Variants in ADAMTS7 observed in about 807,000 individuals in gnomAD.
ADAMTS7 encodes the protein A disintegrin and metalloproteinase with thrombospondin motifs 7.
Under a neutral mutation model 172.6 loss-of-function variants are expected in ADAMTS7, and 89 were observed. The observed-to-expected ratio is 0.52, with a 90% CI of 0.43 to 0.61. ADAMTS7 has a LOEUF of 0.61. Ranked by LOEUF, ADAMTS7 falls within the 20% of genes least tolerant of loss-of-function variation. ADAMTS7 has a pLI of 0.00. For synonymous variants in ADAMTS7, 885 were observed against 978.4 expected, an observed-to-expected ratio of 0.90 and a Z score of 1.78; for missense variants, 1,973 against 2,355.6, an observed-to-expected ratio of 0.84 and a Z score of 3.36.
At chr15:78,774,547 C>T (rs546714159) in intron 12 of ADAMTS7, 77 bp downstream of exon 12, 103 of 1,598,992 alleles carry the variant, frequency 6.4e-5, no homozygotes, top group Non-Finnish European at 7.4e-5. Flanking sequence ...GCCTCCTGCT[C>T]GCATCACAGG....
intron 4 of ADAMTS7, among the ~76,000 whole-genome samples, chr15:78,795,714 G>A (rs533904428): frequency 4.6e-5 from 7 of 152,312 alleles, no homozygotes; most frequent in African/African-American, 1.7e-4. Context: ...TTATATGGTG[G>A]CCTGCCAACC....
At chr15:78,794,511 A>G (rs1596196294) in intron 4 of ADAMTS7, among the ~76,000 whole-genome samples, 2 of 152,310 alleles carry the variant, frequency 1.3e-5, no homozygotes, top group East Asian at 3.9e-4. Context: ...ACCAGCTCAG[A>G]AAAGCTTGAT....
intron 17 of ADAMTS7, among the ~76,000 whole-genome samples, 172 bp from the exon 18 acceptor site, chr15:78,767,764 A>G (rs895564235): frequency 1.1e-4 from 17 of 151,966 alleles, no homozygotes; most frequent in Non-Finnish European, 2.5e-4. Context: ...TCCTGCCCTC[A>G]AAGCCTGGTG....
chr15:78,795,252 C>T (rs1179331401), intron 4 of ADAMTS7, among the ~76,000 whole-genome samples: 1 of 152,230 alleles, frequency 6.6e-6, no homozygotes, highest in African/African-American at 2.4e-5. Flanking sequence ...AATAGCCCTG[C>T]TGAACCCTGG....
chr15:78,788,054 C>A (rs1431677142), intron 8 of ADAMTS7, among the ~76,000 whole-genome samples, 177 bp downstream of exon 8: 1 of 152,216 alleles, frequency 6.6e-6, no homozygotes, highest in East Asian at 1.9e-4. Context: ...TTTCCCTCTA[C>A]CCTGGCCCTG....
Position 78,764,032 on chromosome 15 carries a change from C to T in ADAMTS7, c.4487G>A (p.Arg1496Gln), listed in dbSNP as rs756816783. 2.0e-5 allele frequency: 31 copies of T among 1,540,354 alleles called. No homozygotes were observed. Among genetic ancestry groups the T allele is most frequent in the Non-Finnish European group, 2.5e-5 (29 of 1,142,112 alleles). Residue 1496 changes from arginine to glutamine, a missense_variant, in exon 21 of 24, where the codon CGG becomes CAG. Arg to Gln is a conservative substitution (Grantham distance 43). Coordinates refer to ENST00000388820, the MANE Select transcript of ADAMTS7 (RefSeq NM_014272.5). ...CTGACAATGGAAGGGCCGCAGTGGC[C>T]GGAGGTCCCGTGTGTCCACACACTG... ...DVQCVDTRDL[R>Q]PLRPFHCQPG...
chr15:78,790,712 T>A lies in ADAMTS7; in HGVS notation c.986A>T (p.Asp329Val), dbSNP rs2055567316. 6.2e-6 allele frequency: 10 copies of A among 1,613,858 alleles called. No homozygotes were observed. The highest frequency in any genetic ancestry group is 8.5e-6 in the Non-Finnish European group (10 of 1,180,014). ...KWQKSINMKGDAHPLHHDTAI... is the reference protein window; with the variant it reads ...KWQKSINMKGVAHPLHHDTAI... ...AGTGTCATGGTGCAGGGGATGGGCA[T>A]CCCCCTTCATGTTGATGCTTTTCTG... The change falls in exon 6 of 24, where the codon GAT becomes GTT. Residue 329 changes from aspartate to valine, a missense_variant. This residue lies in a region of ADAMTS7 where 526 missense variants were observed against 662.9 expected (regional missense o/e 0.79). Coordinates refer to ENST00000388820, the MANE Select transcript of ADAMTS7 (RefSeq NM_014272.5).
At chr15:78,797,325 A>G (rs2055658820) in intron 3 of ADAMTS7, among the ~76,000 whole-genome samples, 1 of 152,274 alleles carries the variant, frequency 6.6e-6, no homozygotes, top group Non-Finnish European at 1.5e-5. Context: ...AACTGAGGCC[A>G]AGAAGCATGC....
At chr15:78,767,246 A>C (rs1233489711) in intron 18 of ADAMTS7, 133 bp downstream of exon 18, 2 of 1,259,550 alleles carry the variant, frequency 1.6e-6, no homozygotes, top group African/African-American at 1.5e-5. Context: ...CTGAGGCTTT[A>C]GAGTCAGGGG....
chr15:78,808,590 A>T (rs1033023279), intron 1 of ADAMTS7, among the ~76,000 whole-genome samples: 2 of 152,166 alleles, frequency 1.3e-5, no homozygotes, highest in African/African-American at 4.8e-5. Context: ...AAATATTTTT[A>T]AAAAGTGCAG....
At chr15:78,792,641 C>T (rs987884770) in intron 4 of ADAMTS7, among the ~76,000 whole-genome samples, 8 of 152,132 alleles carry the variant, frequency 5.3e-5, no homozygotes, top group African/African-American at 1.9e-4. Flanking sequence ...TGGTGAAACC[C>T]GTCTCTACTA....
At chr15:78,784,538 G>A (rs964635883) in intron 8 of ADAMTS7, among the ~76,000 whole-genome samples, 4 of 152,156 alleles carry the variant, frequency 2.6e-5, no homozygotes, top group African/African-American at 7.2e-5. Context: ...AAGAGAAAAT[G>A]TAAGAAAGTT....
intron 1 of ADAMTS7, among the ~76,000 whole-genome samples, chr15:78,808,978 T>C (rs1379044355): frequency 6.6e-6 from 1 of 152,202 alleles, no homozygotes. Flanking sequence ...CTCACCTCCC[T>C]ATCAAGAACC....
At chr15:78,775,267 G>C (rs1010074607) in intron 11 of ADAMTS7, among the ~76,000 whole-genome samples, 35 of 152,330 alleles carry the variant, frequency 2.3e-4, no homozygotes, top group African/African-American at 7.5e-4. Context: ...GGGTCTAAAG[G>C]AAGTGCCTAG....
At chr15:78,784,267 A>G (rs1283294120) in intron 8 of ADAMTS7, among the ~76,000 whole-genome samples, 1 of 151,936 alleles carries the variant, frequency 6.6e-6, no homozygotes, top group Admixed American at 6.6e-5. Context: ...CGGGATGCTG[A>G]GGCAGGAGGA....
rs1464738332 is a variant in ADAMTS7 at position 78,759,501 on chromosome 15, G to A, written c.4981C>T (p.Arg1661Cys). ...GAGCACGAGCGGCAGCACTGGGTGC[G>A]GATGGTGGGCAGCTGGCAGCGGCCC... The part of the protein sequence containing the change: ...LLGRCQLPTI[R>C]TQCCRSCSPP... The change falls in exon 24 of 24, where the codon CGC (arginine) becomes TGC (cysteine). Residue 1661 changes from arginine (R) to cysteine (C), a missense_variant. Transcript: ENST00000388820. The A allele has an allele frequency of 1.1e-5, 17 of 1,597,650 alleles. No individual in the cohort carries two copies. The highest frequency in any genetic ancestry group is 2.2e-5 in the East Asian group (1 of 44,642).
chr15:78,774,341 C>G lies in ADAMTS7; in HGVS notation c.1877-41G>C. The G allele has an allele frequency of 2.0e-6, 3 of 1,521,220 alleles. No homozygotes were observed. The South Asian group carries it at 3.8e-5, about 19-fold the overall frequency. The allele number at this position is 1,521,220 out of a possible 1,614,324, so 94.2% of individuals were successfully genotyped here. On this transcript the variant is annotated intron_variant, in intron 12 of 23. Coordinates refer to ENST00000388820, the MANE Select transcript of ADAMTS7 (RefSeq NM_014272.5). ...GAAGAGTCATCAGCAACAGCTGGGG[C>G]GGGAGTATGGAGGCCACCAGGAAGA...
chr15:78,799,616 C>T, intron 2 of ADAMTS7, among the ~76,000 whole-genome samples: 1 of 150,688 alleles, frequency 6.6e-6, no homozygotes, highest in Admixed American at 6.6e-5. Context: ...ACTGATGCCC[C>T]AAGGAAGAGA....
At chr15:78,770,194 TAAAATAAAATAGC>T (rs2055224284) in intron 16 of ADAMTS7, among the ~76,000 whole-genome samples, 1 of 151,094 alleles carries the variant, frequency 6.6e-6, no homozygotes, top group Non-Finnish European at 1.5e-5. Context: ...ATAAATAAAA[TAAAATAAAATAGC>T]AAAATAAAAT....
Sources: allele counts gnomAD v4.1 joint callset (sites outside exome capture counted in the v4.1 genomes callset), GRCh38; gene constraint gnomAD v4.1.1; regional missense constraint gnomAD v4.1.1; transcripts MANE v1.5; gene names NCBI Gene and HGNC (gene_info 2026-07-23, HGNC 2026-07-21).